CCDC171: variants seen among roughly 807,000 people sequenced by gnomAD.
The protein encoded by CCDC171 is coiled-coil domain containing 171, also known as coiled-coil domain-containing protein 171.
A neutral mutation model predicts 168.2 loss-of-function variants in CCDC171; 177 were observed. The ratio of observed to expected loss-of-function variants is 1.05; its 90% confidence interval spans 0.93 to 1.19. CCDC171 has a LOEUF of 1.19. CCDC171 is among the 50% of genes most tolerant of loss of function. CCDC171 has a pLI of 0.00. For synonymous variants in CCDC171, 687 were observed against 540.8 expected, an observed-to-expected ratio of 1.27 and a Z score of -3.75; for missense variants, 1,991 against 1,539.0, an observed-to-expected ratio of 1.29 and a Z score of -4.91.
intron 3 of CCDC171, among the ~76,000 whole-genome samples, chr9:16,016,792 A>G (rs576742607): frequency 6.6e-6 from 1 of 152,362 alleles, no homozygotes; most frequent in Non-Finnish European, 1.5e-5. Context: ...CTCTAATGTA[A>G]TGAATAATTA....
intron 16 of CCDC171, among the ~76,000 whole-genome samples, chr9:15,732,406 C>T (rs996244382): frequency 6.6e-6 from 1 of 152,054 alleles, no homozygotes; most frequent in Non-Finnish European, 1.5e-5. Flanking sequence ...ATTGTTCCCA[C>T]TTCACTTGTT....
chr9:15,701,348 T>C (rs1026658148), intron 11 of CCDC171, among the ~76,000 whole-genome samples: 6 of 152,172 alleles, frequency 3.9e-5, no homozygotes, highest in African/African-American at 1.4e-4. Flanking sequence ...TCTCATATGT[T>C]TTTTCTAGTA....
At chr9:15,875,974 T>C (rs1817789376) in intron 24 of CCDC171, 1 of 152,150 alleles carries the variant, frequency 6.6e-6, no homozygotes, top group Non-Finnish European at 1.5e-5. Context: ...CAGTCTGATT[T>C]GAGATTTTTC....
rs562660452 is a variant in CCDC171, at chr9:15,786,789, A to G, written c.3267+2095A>G. ...GTTCCTGCCCTATCCTAACTGATCA[A>G]TCAACCTTATGACATTCTTCTCCAG... On this transcript the variant is annotated intron_variant, in intron 21 of 25. Transcript: ENST00000380701. 2.6e-5 allele frequency among the ~76,000 whole-genome samples: 4 copies of G among 152,210 alleles called. No homozygotes were observed. The East Asian group carries it at 5.8e-4, about 22-fold the overall frequency.
chr9:15,849,100 G>T (rs2061020140), intron 23 of CCDC171, among the ~76,000 whole-genome samples, 153 bp downstream of exon 23: 1 of 151,496 alleles, frequency 6.6e-6, no homozygotes, highest in Non-Finnish European at 1.5e-5. Flanking sequence ...TCCATTACAT[G>T]GTGCTATATT....
chr9:16,012,580 T>C (rs1223262695), intron 3 of CCDC171, among the ~76,000 whole-genome samples: 1 of 139,006 alleles, frequency 7.2e-6, no homozygotes, highest in East Asian at 2.1e-4. Flanking sequence ...ATTTTTTTTT[T>C]CAAAGAATTC....
chr9:15,594,675 C>G (rs2042216300), intron 6 of CCDC171, among the ~76,000 whole-genome samples: 1 of 152,058 alleles, frequency 6.6e-6, no homozygotes, highest in African/African-American at 2.4e-5. Context: ...TATACATGAG[C>G]AGATGGAGAT....
intron 21 of CCDC171, among the ~76,000 whole-genome samples, chr9:15,829,913 C>T (rs2060161043): frequency 6.6e-6 from 1 of 152,074 alleles, no homozygotes; most frequent in Non-Finnish European, 1.5e-5. Context: ...GAGTGAGACC[C>T]TGCTCAAAAA....
chr9:15,866,969 T>A (rs1448870382), intron 23 of CCDC171, among the ~76,000 whole-genome samples: 1 of 151,968 alleles, frequency 6.6e-6, no homozygotes, highest in African/African-American at 2.4e-5. Context: ...CTAATGGAAG[T>A]TTTGCTGATA....
chr9:15,782,144 C>T (rs781449504), intron 20 of CCDC171, among the ~76,000 whole-genome samples: 4 of 152,152 alleles, frequency 2.6e-5, no homozygotes, highest in Non-Finnish European at 4.4e-5. Flanking sequence ...GTCTCTCGCT[C>T]ATTTCAGAAA....
In CCDC171 at chr9:15,729,660, G is replaced by C; in HGVS notation, c.1911G>C (p.Glu637Asp). 2 of 1,613,130 alleles carry C rather than the reference G, an allele frequency of 1.2e-6. No individual in the cohort carries two copies. Among genetic ancestry groups the C allele is most frequent in the Non-Finnish European group, 1.7e-6 (2 of 1,179,362 alleles). The change falls in exon 16 of 26, where the codon GAG (glutamate) becomes GAC (aspartate). Residue 637 changes from glutamate to aspartate, a missense_variant. Glu to Asp is a conservative substitution (Grantham distance 45). Transcript: ENST00000380701. ...ICKNKSDTMR[E>D]LQQTQEDTFT... ...AAAACAAGTCTGACACGATGAGAGA[G>C]CTTCAGCAGACTCAGGAAGACACCT... is the stretch of plus-strand genomic sequence containing the variant.
the CCDC171 span, among the ~76,000 whole-genome samples, chr9:16,097,465 C>T: frequency 6.6e-6 from 1 of 152,140 alleles, no homozygotes; most frequent in Non-Finnish European, 1.5e-5. Flanking sequence ...AATAGAATGG[C>T]ATTATTCTCA....
chr9:15,554,655 G>A (rs1025037854), intron 1 of CCDC171, among the ~76,000 whole-genome samples: 2 of 152,140 alleles, frequency 1.3e-5, no homozygotes, highest in African/African-American at 4.8e-5. Context: ...TTGTTTTGAT[G>A]TAAGAACCAA....
chr9:15,568,539 G>C, intron 2 of CCDC171, among the ~76,000 whole-genome samples: 1 of 152,144 alleles, frequency 6.6e-6, no homozygotes, highest in South Asian at 2.1e-4. Context: ...CAAAGTGCTG[G>C]GATTACAGGC....
intron 11 of CCDC171, among the ~76,000 whole-genome samples, chr9:15,702,514 A>G (rs971056169): frequency 6.6e-6 from 1 of 152,110 alleles, no homozygotes; most frequent in African/African-American, 2.4e-5. Context: ...TCAATGGCAA[A>G]TGAGCATTGG....
At chr9:15,899,321 G>A (rs150582065) in intron 24 of CCDC171, among the ~76,000 whole-genome samples, 13 of 151,236 alleles carry the variant, frequency 8.6e-5, no homozygotes, top group African/African-American at 3.2e-4. Context: ...TTTCTGTTTG[G>A]GCACAAGTTT....
intron 20 of CCDC171, among the ~76,000 whole-genome samples, chr9:15,781,552 C>A (rs974565162): frequency 2.6e-5 from 4 of 152,034 alleles, no homozygotes; most frequent in Non-Finnish European, 5.9e-5. Flanking sequence ...GTTGGTGTTA[C>A]AGGCGCCCAC....
intron 8 of CCDC171, among the ~76,000 whole-genome samples, chr9:15,662,112 G>C (rs975210468): frequency 1.1e-4 from 16 of 152,144 alleles, no homozygotes; most frequent in African/African-American, 3.6e-4. Context: ...CCCCGTCTCT[G>C]CTAAAAATAC....
intron 25 of CCDC171, among the ~76,000 whole-genome samples, chr9:15,964,146 T>A (rs956179005): frequency 1.3e-5 from 2 of 152,192 alleles, no homozygotes; most frequent in African/African-American, 4.8e-5. Context: ...GAAATAAACT[T>A]TTATTTAAGC....
Sources: gnomAD v4.1 joint callset for allele counts (sites outside exome capture counted in the v4.1 genomes callset) on GRCh38, gnomAD v4.1.1 for gene constraint, MANE v1.5 for transcripts, NCBI Gene and HGNC (gene_info 2026-07-23, HGNC 2026-07-21) for gene names.